POLN: variants seen among roughly 807,000 people sequenced by gnomAD.
The protein encoded by POLN is DNA polymerase N.
Under a neutral mutation model 113.5 loss-of-function variants are expected in POLN, and 108 were observed. The ratio of observed to expected loss-of-function variants is 0.95; its 90% CI spans 0.81 to 1.12. The LOEUF (loss-of-function observed/expected upper bound fraction) is 1.12, where lower values mean the gene tolerates loss of function less well. POLN is among the 50% of genes most tolerant of loss of function. The probability of loss-of-function intolerance (pLI) is 0.00; values close to 1 mark genes in which losing one functional copy is unlikely to be tolerated. For synonymous variants in POLN, 386 were observed against 391.5 expected (o/e 0.99, Z 0.17); for missense variants, 1,097 against 1,077.1 (o/e 1.02, Z -0.26).
chr4:2,158,155 T>C (rs1732486450), intron 14 of POLN, among the ~76,000 whole-genome samples: 1 of 152,220 alleles, frequency 6.6e-6, no homozygotes, highest in Non-Finnish European at 1.5e-5. Flanking sequence ...TTTCGCCATG[T>C]TGGCCAGGCT....
At chr4:2,195,906 AGTGATT>A (rs1733561454) in intron 6 of POLN, among the ~76,000 whole-genome samples, 2 of 152,168 alleles carry the variant, frequency 1.3e-5, no homozygotes, top group Non-Finnish European at 1.5e-5. Flanking sequence ...GAATTAAATA[AGTGATT>A]TAGATGATCC....
chr4:2,241,135 A>ATTTT, intron 2 of POLN: 1 of 511,908 alleles, frequency 2.0e-6, no homozygotes, highest in Admixed American at 3.9e-5. Flanking sequence ...AAATATGACG[A>ATTTT]CAGTGTTTTT....
Position 2,071,969 on chromosome 4 carries a change from G to T in POLN, c.*145C>A. The stretch of plus-strand genomic sequence containing the variant: ...CTCAGACAAGGATGAGGAGGGCTTT[G>T]CACAGGCATTTACTCCAGGGGATGG... On this transcript the variant is annotated 3_prime_UTR_variant, in exon 26 of 26. Transcript: ENST00000511885. This position sits in a 1 kb window ranked among gnomAD's most constrained non-coding sequence, Gnocchi z 5.2. 1.1e-6 allele frequency: 1 copy of T among 904,610 alleles called. No individual in the cohort carries two copies. The highest frequency in any genetic ancestry group is 1.8e-6 in the Non-Finnish European group (1 of 544,342). 56.0% of individuals were successfully genotyped at this position (904,610 alleles called of 1,614,324 possible).
In POLN at chr4:2,206,563, C is replaced by T. The variant is rs150402863; in HGVS notation, c.714+1424G>A. Among the ~76,000 whole-genome samples the T allele has an allele frequency of 1.2e-3, 184 of 152,176 alleles. 7 individuals are homozygous for T. The East Asian group carries it at 0.028, about 23-fold the overall frequency. On this transcript the variant is annotated intron_variant, in intron 5 of 25. Transcript: ENST00000511885. ...AACAAATTAGCAAGAAAAAAGCAAA[C>T]AATCCCATCAAAAAGTGGGCTAAGG...
chr4:2,122,301 A>G (rs769214490), intron 19 of POLN, among the ~76,000 whole-genome samples: 3 of 152,208 alleles, frequency 2.0e-5, no homozygotes, highest in African/African-American at 4.8e-5. Context: ...AATTTATTAC[A>G]TACTTTAAAA....
Position 2,208,189 on chromosome 4 carries a change from T to C in POLN, c.512A>G (p.Gln171Arg). 6.2e-7 allele frequency: 1 copy of C among 1,610,740 alleles called. No individual in the cohort carries two copies. The highest frequency in any genetic ancestry group is 8.5e-7 in the Non-Finnish European group (1 of 1,176,982). ...YNNLSEKTSK[Q>R]MALEEDTDDA... ...ATCAGTATCTTCTTCCAATGCCATTTGTTTACTTGTTTTCTCTGACAAATT... is the reference window on the plus strand; with the variant it reads ...ATCAGTATCTTCTTCCAATGCCATTCGTTTACTTGTTTTCTCTGACAAATT... The change falls in exon 5 of 26, where the codon CAA becomes CGA. Residue 171 changes from glutamine to arginine, a missense_variant. Gln to Arg is a conservative substitution (Grantham distance 43). Transcript: ENST00000511885.
At chr4:2,160,934 C>G (rs576148334) in intron 13 of POLN, among the ~76,000 whole-genome samples, 45 of 152,306 alleles carry the variant, frequency 3.0e-4, no homozygotes, top group African/African-American at 7.9e-4. Context: ...TGTTTGTGTG[C>G]TGCATGAAAT....
intron 16 of POLN, among the ~76,000 whole-genome samples, chr4:2,142,362 T>C (rs1277289675): frequency 1.3e-5 from 2 of 152,198 alleles, no homozygotes; most frequent in Non-Finnish European, 2.9e-5. Context: ...GGGAACAAAA[T>C]ATGCACTGGA....
intron 8 of POLN, among the ~76,000 whole-genome samples, chr4:2,176,777 C>G (rs963129828): frequency 6.6e-6 from 1 of 152,116 alleles, no homozygotes; most frequent in African/African-American, 2.4e-5. Context: ...ATTCTCACCC[C>G]AGGAGATGCA....
At chr4:2,094,915 G>T (rs1362131365) in intron 20 of POLN, among the ~76,000 whole-genome samples, 1 of 152,124 alleles carries the variant, frequency 6.6e-6, no homozygotes, top group East Asian at 1.9e-4. Context: ...TAAACAAAGG[G>T]TTTCCATGGC....
rs146773886 is a variant in POLN, at chr4:2,187,979, G to T, written c.1021+5225C>A. ...AAAAATAAAAAAATTATCTGGGTGT[G>T]GTAGAACACACCTATAGTCCCGACT... On this transcript the variant is annotated intron_variant, in intron 7 of 25. Coordinates refer to ENST00000511885, the MANE Select transcript of POLN (RefSeq NM_181808.4). Among the ~76,000 whole-genome samples the T allele has an allele frequency of 2.3e-3, 345 of 152,220 alleles. 1 individual carries two copies. The highest frequency in any genetic ancestry group is 7.7e-3 in the African/African-American group (320 of 41,504).
chr4:2,176,681 CT>C (rs200040747), intron 8 of POLN, among the ~76,000 whole-genome samples: 1,839 of 152,212 alleles, frequency 0.012, 26 homozygotes, highest in Non-Finnish European at 0.018. Context: ...CAGACCTGGC[CT>C]CTCTGGAGTC....
Position 2,072,280 on chromosome 4 carries a change from A to G in POLN, c.2537T>C (p.Leu846Pro). 6.3e-7 allele frequency: 1 copy of G among 1,586,868 alleles called. No homozygotes were observed. ...LQLQVPLKVS[L>P]SAGRSWGHLV... Reference sequence around the variant, plus strand: ...GTGTCCCCATGAGCGGCCGGCACTCAGGCTCACCTTGAGGGGTACCTGCAG... The same window carrying G: ...GTGTCCCCATGAGCGGCCGGCACTCGGGCTCACCTTGAGGGGTACCTGCAG... Residue 846 changes from leucine (L) to proline (P), a missense_variant, in exon 26 of 26, where the codon CTG becomes CCG. Physicochemically the swap from Leu to Pro is moderately conservative, Grantham distance 98. Coordinates refer to ENST00000511885, the MANE Select transcript of POLN (RefSeq NM_181808.4).
At chr4:2,216,323 T>G (rs539962851) in intron 3 of POLN, among the ~76,000 whole-genome samples, 3 of 152,310 alleles carry the variant, frequency 2.0e-5, no homozygotes, top group African/African-American at 7.2e-5. Context: ...AAATACAGAT[T>G]TCTAAGTGGG....
Position 2,240,604 on chromosome 4 carries a change from G to C in POLN, c.-13+916C>G. On this transcript the variant is annotated intron_variant, in intron 2 of 25. Coordinates refer to ENST00000511885, the MANE Select transcript of POLN (RefSeq NM_181808.4). ...CATTTATTACGTCGCTGAATTTTTA[G>C]GTTCTTTAATTTCAGTAGAGTTTGA... 2 of 1,612,930 alleles carry C rather than the reference G, an allele frequency of 1.2e-6. No individual in the cohort carries two copies. Among genetic ancestry groups the C allele is most frequent in the South Asian group, 2.2e-5 (2 of 90,722 alleles).
rs1160901434 is a variant in POLN at position 2,127,810 on chromosome 4, G to A, written c.1982+303C>T. ...AGGGCAGTGGCTCACAGCCAGCACCGCGGGCTCGCTCTTTCCGTGGTGCTC... is the reference window on the plus strand; with the variant it reads ...AGGGCAGTGGCTCACAGCCAGCACCACGGGCTCGCTCTTTCCGTGGTGCTC... On this transcript the variant is annotated intron_variant, in intron 19 of 25. Coordinates refer to ENST00000511885, the MANE Select transcript of POLN (RefSeq NM_181808.4). This position sits in a 1 kb window ranked among gnomAD's most constrained non-coding sequence, Gnocchi z 4.7. Among the ~76,000 whole-genome samples the A allele has an allele frequency of 6.6e-6, 1 of 152,248 alleles. No individual in the cohort carries two copies. Among genetic ancestry groups the A allele is most frequent in the Non-Finnish European group, 1.5e-5 (1 of 68,044 alleles).
intron 13 of POLN, among the ~76,000 whole-genome samples, chr4:2,169,471 C>T (rs765756831): frequency 5.9e-5 from 9 of 152,204 alleles, no homozygotes; most frequent in Middle Eastern, 3.4e-3. Flanking sequence ...AAGTCAAGGA[C>T]GACTCACAGG....
chr4:2,083,377 A>C (rs1202536416), intron 21 of POLN, among the ~76,000 whole-genome samples: 3 of 152,028 alleles, frequency 2.0e-5, no homozygotes, highest in Admixed American at 1.3e-4. Flanking sequence ...TTAGGACTCA[A>C]CTCATTTGCC....
chr4:2,129,643 G>C (rs1731671056), intron 17 of POLN, among the ~76,000 whole-genome samples: 1 of 152,130 alleles, frequency 6.6e-6, no homozygotes, highest in South Asian at 2.1e-4. Context: ...TCCTGCCTTG[G>C]CCTCTCAAAG....
Sources: allele counts gnomAD v4.1 joint callset (sites outside exome capture counted in the v4.1 genomes callset), GRCh38; gene constraint gnomAD v4.1.1; non-coding constraint Gnocchi (gnomAD v3.1); transcripts MANE v1.5; gene names NCBI Gene and HGNC (gene_info 2026-07-23, HGNC 2026-07-21).